Variants in ARHGEF18 observed in about 807,000 individuals in gnomAD.
The protein encoded by ARHGEF18 is Rho/Rac guanine nucleotide exchange factor 18.
ARHGEF18 carries 93 observed loss-of-function variants against 155.7 expected under a neutral mutation model. The observed-to-expected ratio is 0.60, with a 90% CI of 0.50 to 0.71. The LOEUF is 0.71. Among genes scored for constraint, ARHGEF18 ranks in the 30% least tolerant of loss-of-function variants. The pLI, the probability that ARHGEF18 is intolerant of heterozygous loss-of-function variation, is 0.00. For missense variants in ARHGEF18, 1,593 were observed against 1,816.1 expected (o/e 0.88, Z 2.23); for synonymous variants, 742 against 753.1 (o/e 0.99, Z 0.24).
intron 1 of ARHGEF18, among the ~76,000 whole-genome samples, chr19:7,358,196 A>G (rs1201437135): frequency 9.0e-5 from 7 of 77,596 alleles, no homozygotes. Context: ...CAATCAGCCA[A>G]CTCTTCAACC....
chr19:7,478,403 T>C, the ARHGEF18 span: 46 of 1,597,228 alleles, frequency 2.9e-5, 1 homozygote, highest in Non-Finnish European at 3.9e-5. Flanking sequence ...CGAGGGAGGA[T>C]GCCCCGGCGG....
chr19:7,443,796 T>C (rs8100774), intron 13 of ARHGEF18, among the ~76,000 whole-genome samples: 34,360 of 151,364 alleles, frequency 0.23, 4,038 homozygotes, highest in Admixed American at 0.24. Context: ...CCCAGCTACT[T>C]GGGAGGCTGA....
intron 10 of ARHGEF18, among the ~76,000 whole-genome samples, chr19:7,408,390 G>A (rs980474179): frequency 3.3e-5 from 5 of 152,192 alleles, no homozygotes; most frequent in East Asian, 1.9e-4. Flanking sequence ...ACAAGTGGGC[G>A]TGGCCGTGTT....
Position 7,467,498 on chromosome 19 carries a change from A to G in ARHGEF18, c.3294A>G (p.Leu1098=). ...LQEREGEARQ[L]RERLEQERAE... Reference sequence around the variant, plus strand: ...AGCGCGAGGGCGAGGCGCGGCAGCTACGCGAGCGGCTGGAGCAGGAGCGGG... The same window carrying G: ...AGCGCGAGGGCGAGGCGCGGCAGCTGCGCGAGCGGCTGGAGCAGGAGCGGG... The change falls in exon 26 of 29, where the codon CTA becomes CTG. Residue 1098 remains leucine (L), a synonymous_variant. Coordinates refer to ENST00000668164, the MANE Select transcript of ARHGEF18 (RefSeq NM_001367823.1). The G allele has an allele frequency of 7.0e-7, 1 of 1,434,284 alleles. No individual in the cohort carries two copies. The highest frequency in any genetic ancestry group is 9.0e-7 in the Non-Finnish European group (1 of 1,106,034). The allele number at this position is 1,434,284 out of a possible 1,614,324, so 88.8% of individuals were successfully genotyped here. A position where few individuals can be genotyped will look rare whatever the true frequency, so the allele number is the denominator to read the frequency against.
intron 10 of ARHGEF18, among the ~76,000 whole-genome samples, chr19:7,419,272 TGCCC>T (rs1973206526): frequency 8.7e-6 from 1 of 114,702 alleles, no homozygotes; most frequent in African/African-American, 6.1e-5. Flanking sequence ...ACCCCAGGTG[TGCCC>T]ACACTCGGCC....
chr19:7,407,961 C>CAAAAAAAAAAAAAA lies in ARHGEF18; in HGVS notation c.967+24771_967+24784dup, dbSNP rs71179104. On this transcript the variant is annotated intron_variant, in intron 10 of 28. Coordinates refer to ENST00000668164, the MANE Select transcript of ARHGEF18 (RefSeq NM_001367823.1). ...TGGGCAACAGAGCGAGACTCCGTCT[C>CAAAAAAAAAAAAAA]AAAAAAAAAAAAAAAAAAAAAAAAA... Among the ~76,000 whole-genome samples the CAAAAAAAAAAAAAA allele has an allele frequency of 3.9e-4, 19 of 48,824 alleles. 1 individual carries two copies. Among genetic ancestry groups the CAAAAAAAAAAAAAA allele is most frequent in the African/African-American group, 1.4e-3 (13 of 9,614 alleles). 32.0% of individuals were successfully genotyped at this position (48,824 alleles called of 152,430 possible). A position where few individuals can be genotyped will look rare whatever the true frequency, so the allele number is the denominator to read the frequency against.
At chr19:7,439,281 C>CCG (rs751682325) in intron 10 of ARHGEF18, among the ~76,000 whole-genome samples, 6 of 23,476 alleles carry the variant, frequency 2.6e-4, no homozygotes, top group Admixed American at 2.1e-3. Context: ...CATAGTGAGA[C>CCG]CCCCCCCCAA....
chr19:7,397,724 T>G (rs1971799213), intron 10 of ARHGEF18, among the ~76,000 whole-genome samples: 1 of 150,842 alleles, frequency 6.6e-6, no homozygotes. Context: ...CAGAACGAGA[T>G]TCCATCTCAA....
At position 7,467,648 on chromosome 19, in the gene ARHGEF18, C is replaced by G. The variant is rs555923197; in HGVS notation, c.3444C>G (p.Thr1148=). Residue 1148 remains threonine, a synonymous_variant, in exon 26 of 29, where the codon ACC becomes ACG. Coordinates refer to ENST00000668164, the MANE Select transcript of ARHGEF18 (RefSeq NM_001367823.1). ...TGCGCCGCCTCAAGAAGCAGAACAC[C>G]GCGCCAGGCGCGCTGCCGCCCGACA... The part of the protein sequence containing the change: ...ELLRRLKKQN[T]APGALPPDTL... The G allele has an allele frequency of 1.9e-4, 286 of 1,514,778 alleles. No individual in the cohort carries two copies. The highest frequency in any genetic ancestry group is 6.1e-5 in the Non-Finnish European group (70 of 1,139,144). 93.8% of individuals were successfully genotyped at this position (1,514,778 alleles called of 1,614,324 possible). A position where few individuals can be genotyped will look rare whatever the true frequency, so the allele number is the denominator to read the frequency against.
chr19:7,466,768 C>T, intron 23 of ARHGEF18, 150 bp from the exon 24 acceptor site: 1 of 770,262 alleles, frequency 1.3e-6, no homozygotes, highest in Non-Finnish European at 2.0e-6. Context: ...CGCGCCACTG[C>T]ACTCCAGCTT....
chr19:7,381,882 TA>T (rs1568282556), intron 8 of ARHGEF18, among the ~76,000 whole-genome samples: 1 of 151,976 alleles, frequency 6.6e-6, no homozygotes, highest in African/African-American at 2.4e-5. Flanking sequence ...AAGAAACATT[TA>T]TGGATATTTA....
intron 10 of ARHGEF18, among the ~76,000 whole-genome samples, chr19:7,385,397 T>A (rs1179101604): frequency 1.3e-5 from 2 of 151,710 alleles, no homozygotes. Context: ...GTCTTGTATG[T>A]CCATGTGGCC....
chr19:7,455,518 G>T (rs1975773592), intron 17 of ARHGEF18, among the ~76,000 whole-genome samples: 1 of 152,186 alleles, frequency 6.6e-6, no homozygotes. Flanking sequence ...CGCCAAGGGG[G>T]ACTGAGGGGC....
At chr19:7,457,139 T>C (rs889213776) in intron 18 of ARHGEF18, among the ~76,000 whole-genome samples, 7 of 152,132 alleles carry the variant, frequency 4.6e-5, no homozygotes, top group Non-Finnish European at 8.8e-5. Flanking sequence ...CTCATGTTTC[T>C]GCAGGCTGAA....
intron 16 of ARHGEF18, among the ~76,000 whole-genome samples, chr19:7,452,953 T>G (rs1975578965): frequency 6.6e-6 from 1 of 151,776 alleles, no homozygotes; most frequent in African/African-American, 2.4e-5. Context: ...CCCAGCACTT[T>G]GGGAGGCTGA....
intron 23 of ARHGEF18, among the ~76,000 whole-genome samples, chr19:7,466,161 A>C (rs1044279195): frequency 3.3e-5 from 5 of 151,646 alleles, no homozygotes; most frequent in African/African-American, 1.2e-4. Context: ...AGGCAGGTGG[A>C]TCACCTGAGG....
downstream of ARHGEF18, among the ~76,000 whole-genome samples, chr19:7,473,773 G>A (rs1250037913): frequency 1.1e-4 from 15 of 136,710 alleles, no homozygotes; most frequent in Non-Finnish European, 2.1e-4. Context: ...TTGCGCCACT[G>A]CACTCAGCCT....
intron 14 of ARHGEF18, among the ~76,000 whole-genome samples, chr19:7,446,024 G>T (rs1025094287): frequency 6.6e-6 from 1 of 152,118 alleles, no homozygotes; most frequent in Non-Finnish European, 1.5e-5. Context: ...GAAGCAGAAG[G>T]TTTTTTTATT....
chr19:7,421,044 C>T (rs1465695317), intron 10 of ARHGEF18, among the ~76,000 whole-genome samples: 3 of 152,186 alleles, frequency 2.0e-5, no homozygotes, highest in African/African-American at 4.8e-5. Flanking sequence ...GGTCCTTCCA[C>T]CTCAGCCTCC....
Sources: gnomAD v4.1 joint callset for allele counts (sites outside exome capture counted in the v4.1 genomes callset) on GRCh38, gnomAD v4.1.1 for gene constraint, MANE v1.5 for transcripts, NCBI Gene and HGNC (gene_info 2026-07-23, HGNC 2026-07-21) for gene names.